The following PPARGC1A variants were observed in gnomAD, a reference collection of about 807,000 sequenced individuals.
The protein encoded by PPARGC1A is PPARG coactivator 1 alpha, also known as peroxisome proliferator-activated receptor gamma coactivator 1-alpha.
PPARGC1A carries 25 observed loss-of-function variants against 88.7 expected under a neutral mutation model. That is an observed-to-expected ratio of 0.28 (90% CI 0.21 to 0.39). PPARGC1A has a LOEUF of 0.39. Among genes scored for constraint, PPARGC1A ranks in the 10% least tolerant of loss-of-function variants. The pLI, the probability that PPARGC1A is intolerant of heterozygous loss-of-function variation, is 1.00. For synonymous variants in PPARGC1A, 363 were observed against 355.6 expected, an observed-to-expected ratio of 1.02 and a Z score of -0.24; for missense variants, 880 against 968.7, an observed-to-expected ratio of 0.91 and a Z score of 1.22.
chr4:24,099,975 G>A, the PPARGC1A span, among the ~76,000 whole-genome samples: 588 of 131,066 alleles, frequency 4.5e-3, 5 homozygotes, highest in Middle Eastern at 0.022. Context: ...CCTGTTGTGG[G>A]GTGGGGGGAG....
the PPARGC1A span, among the ~76,000 whole-genome samples, chr4:24,367,389 C>T: frequency 6.6e-6 from 1 of 152,194 alleles, no homozygotes; most frequent in East Asian, 1.9e-4. Flanking sequence ...ATCCTCAACA[C>T]TCATCTTGAC....
At chr4:24,124,369 C>A in the PPARGC1A span, among the ~76,000 whole-genome samples, 2 of 152,166 alleles carry the variant, frequency 1.3e-5, no homozygotes, top group African/African-American at 4.8e-5. Context: ...TACCTACTTG[C>A]CAGTTATTTT....
the PPARGC1A span, among the ~76,000 whole-genome samples, chr4:24,129,889 C>T: frequency 5.9e-5 from 9 of 152,122 alleles, no homozygotes; most frequent in Middle Eastern, 6.8e-3. Flanking sequence ...AGCAAACTAT[C>T]GCCAAGGACA....
chr4:24,058,775 G>A, the PPARGC1A span, among the ~76,000 whole-genome samples: 9 of 152,148 alleles, frequency 5.9e-5, no homozygotes, highest in South Asian at 1.2e-3. Context: ...GAGAAACCTC[G>A]TCTCTACTAA....
At chr4:24,007,534 A>T in the PPARGC1A span, among the ~76,000 whole-genome samples, 1 of 149,774 alleles carries the variant, frequency 6.7e-6, no homozygotes, top group South Asian at 2.1e-4. Flanking sequence ...AAAGTGAAGA[A>T]TGAGTAGAGA....
chr4:23,877,203 C>T (rs939843482), intron 2 of PPARGC1A, among the ~76,000 whole-genome samples: 8 of 151,774 alleles, frequency 5.3e-5, no homozygotes, highest in Non-Finnish European at 1.0e-4. Flanking sequence ...TCAAACGTAC[C>T]TCTGAGCGCA....
chr4:24,279,523 G>A, the PPARGC1A span, among the ~76,000 whole-genome samples: 1 of 152,126 alleles, frequency 6.6e-6, no homozygotes, highest in African/African-American at 2.4e-5. Flanking sequence ...GCAAGCATTT[G>A]TTATCGTTGT....
upstream of PPARGC1A, among the ~76,000 whole-genome samples, chr4:23,908,900 A>G (rs1720396213): frequency 6.6e-6 from 1 of 152,200 alleles, no homozygotes; most frequent in African/African-American, 2.4e-5. Context: ...GGAAACCTCA[A>G]TCAGAATTCA....
the PPARGC1A span, among the ~76,000 whole-genome samples, chr4:24,144,627 G>A: frequency 1.3e-5 from 2 of 149,710 alleles, no homozygotes; most frequent in South Asian, 2.2e-4. Flanking sequence ...CTTGAGACCA[G>A]CGCAGAGAGG....
chr4:24,115,478 G>A, the PPARGC1A span, among the ~76,000 whole-genome samples: 3 of 152,186 alleles, frequency 2.0e-5, no homozygotes, highest in South Asian at 2.1e-4. Context: ...CTCTGTGCAC[G>A]TGATATGCAA....
At chr4:24,349,030 G>A in the PPARGC1A span, among the ~76,000 whole-genome samples, 9 of 152,196 alleles carry the variant, frequency 5.9e-5, no homozygotes, top group African/African-American at 2.2e-4. Context: ...TCCTATGGAT[G>A]TGGCTTCCTG....
chr4:24,032,297 G>T, the PPARGC1A span, among the ~76,000 whole-genome samples: 1 of 152,206 alleles, frequency 6.6e-6, no homozygotes, highest in South Asian at 2.1e-4. Context: ...GTGTGCCAAG[G>T]CTGAGAACCT....
At chr4:24,303,512 A>T in the PPARGC1A span, among the ~76,000 whole-genome samples, 2 of 152,244 alleles carry the variant, frequency 1.3e-5, no homozygotes, top group African/African-American at 4.8e-5. Context: ...CTACAAATCA[A>T]AATTGTGTTA....
the PPARGC1A span, among the ~76,000 whole-genome samples, chr4:24,209,598 CTAG>C: frequency 1.3e-5 from 2 of 152,124 alleles, no homozygotes; most frequent in African/African-American, 2.4e-5. Context: ...CCTGTGCTAG[CTAG>C]TAGATTTTTC....
chr4:24,138,551 C>T, the PPARGC1A span, among the ~76,000 whole-genome samples: 92 of 152,278 alleles, frequency 6.0e-4, no homozygotes, highest in Middle Eastern at 0.01. Context: ...CTGGTGAAAC[C>T]CCAGAATTAA....
chr4:24,387,746 A>AAGAGAGAGAGAGAGAGAGAGAGAGAG, the PPARGC1A span, among the ~76,000 whole-genome samples: 2 of 61,176 alleles, frequency 3.3e-5, no homozygotes, highest in African/African-American at 6.9e-5. Context: ...GAAAGAAAGA[A>AAGAGAGAGAGAGAGAGAGAGAGAGAG]AGAGAGAGAG....
At chr4:23,946,969 C>G in the PPARGC1A span, among the ~76,000 whole-genome samples, 1 of 152,106 alleles carries the variant, frequency 6.6e-6, no homozygotes, top group Non-Finnish European at 1.5e-5. Flanking sequence ...CAATCATGCA[C>G]TATCTGCCTC....
the PPARGC1A span, among the ~76,000 whole-genome samples, chr4:24,324,954 C>G: frequency 6.6e-6 from 1 of 152,164 alleles, no homozygotes; most frequent in African/African-American, 2.4e-5. Context: ...ACCCTGTAAT[C>G]TTTTTATCAC....
At chr4:23,975,025 T>A in the PPARGC1A span, among the ~76,000 whole-genome samples, 1 of 151,834 alleles carries the variant, frequency 6.6e-6, no homozygotes, top group African/African-American at 2.4e-5. Flanking sequence ...TTCAGAGCCA[T>A]GGCTACGGGC....
Sources: allele counts gnomAD v4.1 joint callset (sites outside exome capture counted in the v4.1 genomes callset), GRCh38; gene constraint gnomAD v4.1.1; transcripts MANE v1.5; gene names NCBI Gene and HGNC (gene_info 2026-07-23, HGNC 2026-07-21).